The following DPP6 variants were observed in gnomAD, a reference collection of about 807,000 sequenced individuals.
DPP6 encodes dipeptidyl peptidase like 6.
DPP6 carries 69 observed loss-of-function variants against 122.6 expected under a neutral mutation model. That is an observed-to-expected ratio of 0.56 (90% CI 0.46 to 0.69). The LOEUF is 0.69. Ranked by LOEUF, DPP6 falls within the 30% of genes least tolerant of loss-of-function variation. The pLI, the probability that DPP6 is intolerant of heterozygous loss-of-function variation, is 0.00. For synonymous variants in DPP6, 418 were observed against 433.1 expected (o/e 0.97, Z 0.43); for missense variants, 928 against 1,116.9 (o/e 0.83, Z 2.41).
At chr7:154,595,869 G>A (rs571236948) in intron 5 of DPP6, among the ~76,000 whole-genome samples, 2 of 152,264 alleles carry the variant, frequency 1.3e-5, no homozygotes, top group East Asian at 1.9e-4. Flanking sequence ...GACCAGCCTG[G>A]CCAACATGGT....
Position 153,988,889 on chromosome 7 carries a change from G to A in DPP6, c.51+101155G>A, listed in dbSNP as rs530391395. 9.3e-4 allele frequency among the ~76,000 whole-genome samples: 140 copies of A among 150,138 alleles called. 1 individual carries two copies. The Middle Eastern group carries it at 0.024, about 26-fold the overall frequency. On this transcript the variant is annotated intron_variant, in intron 1 of 25. Coordinates refer to the DPP6 transcript ENST00000404039. ...AAGAGTCAGCGAAAGCTGGGAGAGC[G>A]GTGATGTATGGAAGTCAGGCGGGCC...
chr7:153,904,988 T>C (rs1359376495), intron 1 of DPP6, among the ~76,000 whole-genome samples: 1 of 152,198 alleles, frequency 6.6e-6, no homozygotes, highest in African/African-American at 2.4e-5. Context: ...TGTGTGGAAA[T>C]AGGATTGGCA....
chr7:154,775,555 T>C (rs907076304), intron 10 of DPP6, among the ~76,000 whole-genome samples: 2 of 152,166 alleles, frequency 1.3e-5, no homozygotes, highest in Non-Finnish European at 2.9e-5. Context: ...TTAAACTCAT[T>C]AATTAATAAG....
chr7:154,641,146 G>C (rs1836062183), intron 6 of DPP6, among the ~76,000 whole-genome samples: 1 of 152,096 alleles, frequency 6.6e-6, no homozygotes. Context: ...CGATGGCTGT[G>C]ACCTCTATAG....
intron 1 of DPP6, among the ~76,000 whole-genome samples, chr7:154,330,325 C>T (rs892742960): frequency 4.0e-5 from 6 of 151,868 alleles, no homozygotes; most frequent in African/African-American, 1.2e-4. Context: ...GGTATTGGGT[C>T]GAGGGAGAAA....
At chr7:154,501,373 A>G (rs1274597689) in intron 3 of DPP6, among the ~76,000 whole-genome samples, 1 of 152,214 alleles carries the variant, frequency 6.6e-6, no homozygotes, top group Non-Finnish European at 1.5e-5. Flanking sequence ...GCCATGTCAG[A>G]GTCATCACAG....
At chr7:154,446,979 G>A (rs1302941790) in intron 2 of DPP6, among the ~76,000 whole-genome samples, 1 of 152,144 alleles carries the variant, frequency 6.6e-6, no homozygotes, top group Non-Finnish European at 1.5e-5. Context: ...AGAGTGGTAG[G>A]ATTAGGGAGA....
chr7:154,127,549 C>T (rs578011162), intron 1 of DPP6, among the ~76,000 whole-genome samples: 7 of 150,454 alleles, frequency 4.7e-5, no homozygotes, highest in East Asian at 4.0e-4. Flanking sequence ...CTGTTGCCTC[C>T]GGCTTTCTGG....
At chr7:153,993,867 G>A (rs948210465) in intron 1 of DPP6, among the ~76,000 whole-genome samples, 5 of 152,120 alleles carry the variant, frequency 3.3e-5, no homozygotes. Context: ...AGCCAGGGAA[G>A]CACCTGTATG....
At chr7:154,882,500 G>C (rs936572332) in intron 21 of DPP6, among the ~76,000 whole-genome samples, 29 of 152,316 alleles carry the variant, frequency 1.9e-4, no homozygotes, top group African/African-American at 7.0e-4. Flanking sequence ...GTTGCGGCCT[G>C]TCCATTCTGT....
chr7:154,876,529 A>T (rs572757031), intron 20 of DPP6: 1 of 156,964 alleles, frequency 6.4e-6, no homozygotes, highest in African/African-American at 2.4e-5. Context: ...CACCCTCGTT[A>T]CTGAGAGCAG....
At chr7:153,868,431 A>G in the DPP6 span, among the ~76,000 whole-genome samples, 2 of 151,956 alleles carry the variant, frequency 1.3e-5, no homozygotes, top group East Asian at 3.9e-4. Flanking sequence ...TTTCTAGTTT[A>G]TTTGCGTAGA....
At chr7:154,586,469 G>A (rs1186649789) in intron 5 of DPP6, among the ~76,000 whole-genome samples, 2 of 152,178 alleles carry the variant, frequency 1.3e-5, no homozygotes, top group African/African-American at 4.8e-5. Flanking sequence ...TTGCTGGAGG[G>A]CCTGTGGGAG....
chr7:154,639,977 A>G (rs762582248), intron 6 of DPP6, among the ~76,000 whole-genome samples: 2 of 152,068 alleles, frequency 1.3e-5, no homozygotes. Flanking sequence ...TAGTAAAAAA[A>G]CTCGTGGCTC....
chr7:154,065,907 G>A (rs900013796), intron 1 of DPP6, among the ~76,000 whole-genome samples: 24 of 152,084 alleles, frequency 1.6e-4, no homozygotes, highest in Admixed American at 2.6e-4. Context: ...CTAAGAAGCC[G>A]CCTTGGTATC....
intron 1 of DPP6, among the ~76,000 whole-genome samples, chr7:153,910,225 T>G (rs887819576): frequency 1.5e-5 from 2 of 134,372 alleles, no homozygotes; most frequent in Non-Finnish European, 3.3e-5. Flanking sequence ...TTGACCACTT[T>G]CTTTCTTTCT....
At chr7:154,296,152 G>A (rs573662121) in intron 1 of DPP6, among the ~76,000 whole-genome samples, 1 of 152,096 alleles carries the variant, frequency 6.6e-6, no homozygotes, top group East Asian at 2.0e-4. Context: ...CACCATGTTA[G>A]CCAGGATGGT....
At chr7:154,887,325 C>T (rs1584992925) in intron 22 of DPP6, among the ~76,000 whole-genome samples, 1 of 152,192 alleles carries the variant, frequency 6.6e-6, no homozygotes, top group African/African-American at 2.4e-5. Context: ...GAAATGTGCT[C>T]TCTTACCACC....
intron 6 of DPP6, among the ~76,000 whole-genome samples, chr7:154,639,538 A>C (rs1464632411): frequency 2.0e-5 from 3 of 152,204 alleles, no homozygotes; most frequent in Admixed American, 6.5e-5. Context: ...CGAAACTCTA[A>C]AAGCAGTTGA....
Sources: gnomAD v4.1 joint callset for allele counts (sites outside exome capture counted in the v4.1 genomes callset) on GRCh38, gnomAD v4.1.1 for gene constraint, MANE v1.5 for transcripts, NCBI Gene and HGNC (gene_info 2026-07-23, HGNC 2026-07-21) for gene names.